IL19: variants seen among roughly 807,000 people sequenced by gnomAD.
The protein encoded by IL19 is interleukin-19.
IL19 carries 15 observed loss-of-function variants against 19.5 expected under a neutral mutation model. The ratio of observed to expected loss-of-function variants is 0.77; its 90% CI spans 0.52 to 1.19. The LOEUF (loss-of-function observed/expected upper bound fraction) is 1.19. Ranked by LOEUF, IL19 falls within the 50% of genes most tolerant of loss-of-function variation. The pLI is 0.00. For missense variants in IL19, 199 were observed against 213.1 expected, an observed-to-expected ratio of 0.93 and a Z score of 0.41; for synonymous variants, 78 against 78.3, an observed-to-expected ratio of 1.00 and a Z score of 0.02.
chr1:206,788,916 G>A (rs1028732902), intron 1 of IL19, among the ~76,000 whole-genome samples: 1 of 152,164 alleles, frequency 6.6e-6, no homozygotes, highest in Non-Finnish European at 1.5e-5. Flanking sequence ...CTGTTGTGTG[G>A]TGCCTGTGTG....
At chr1:206,788,635 G>A (rs566525326) in intron 1 of IL19, among the ~76,000 whole-genome samples, 1 of 152,062 alleles carries the variant, frequency 6.6e-6, no homozygotes, top group African/African-American at 2.4e-5. Flanking sequence ...CCAGGCCTCT[G>A]ACACCTCATC....
At chr1:206,776,186 TTC>T (rs1674986522) in intron 1 of IL19, among the ~76,000 whole-genome samples, 3 of 152,234 alleles carry the variant, frequency 2.0e-5, no homozygotes, top group African/African-American at 7.2e-5. Context: ...GTATTTTATT[TTC>T]TGTCTCACTC....
intron 2 of IL19, among the ~76,000 whole-genome samples, chr1:206,827,208 TAGG>T (rs1227172603): frequency 1.3e-5 from 2 of 152,120 alleles, no homozygotes; most frequent in East Asian, 1.9e-4. Context: ...AGTATTGACA[TAGG>T]AGAAGGAAAC....
intron 1 of IL19, among the ~76,000 whole-genome samples, chr1:206,791,468 A>G (rs1675402507): frequency 6.6e-6 from 1 of 151,926 alleles, no homozygotes; most frequent in African/African-American, 2.4e-5. Context: ...ATGCCCAGCT[A>G]ATTTTTGTAT....
chr1:206,779,282 C>T (rs1173300719), intron 1 of IL19, among the ~76,000 whole-genome samples: 2 of 152,142 alleles, frequency 1.3e-5, no homozygotes, highest in Non-Finnish European at 2.9e-5. Flanking sequence ...CCTTTCTACC[C>T]CCACATCCTC....
At chr1:206,837,070 A>G (rs1676821169) in intron 4 of IL19, 47 bp downstream of exon 4, 1 of 1,466,644 alleles carries the variant, frequency 6.8e-7, no homozygotes, top group Non-Finnish European at 9.5e-7. Flanking sequence ...CTTCATGTCT[A>G]AATGGCTCTG....
intron 1 of IL19, among the ~76,000 whole-genome samples, chr1:206,792,785 A>G (rs1675439196): frequency 6.6e-6 from 1 of 151,974 alleles, no homozygotes; most frequent in Non-Finnish European, 1.5e-5. Context: ...AGCCCATCTT[A>G]TAGGTGAGGA....
At chr1:206,801,370 T>G (rs1572555053) in intron 2 of IL19, among the ~76,000 whole-genome samples, 1 of 151,832 alleles carries the variant, frequency 6.6e-6, no homozygotes, top group African/African-American at 2.4e-5. Context: ...AGGCGGGGGG[T>G]GGAATGGAGG....
chr1:206,800,398 G>A (rs950638144), intron 2 of IL19, among the ~76,000 whole-genome samples: 10 of 152,224 alleles, frequency 6.6e-5, no homozygotes, highest in South Asian at 2.1e-4. Flanking sequence ...TGAATGCTCC[G>A]ATATGTTGCT....
At chr1:206,814,229 G>A (rs765645414) in intron 2 of IL19, among the ~76,000 whole-genome samples, 32 of 151,990 alleles carry the variant, frequency 2.1e-4, no homozygotes, top group Non-Finnish European at 4.3e-4. Context: ...CTAAGTGTAA[G>A]TTTGAACGGC....
At position 206,832,026 on chromosome 1, in the gene IL19, G is replaced by A. The variant is rs114639629; in HGVS notation, c.-2-4635G>A. ...GCTCTGAGCTGCTATTCTCACATGT[G>A]CAGAGGGACTCCGAGCCAGGCAGCT... is the stretch of plus-strand genomic sequence containing the variant. On this transcript the variant is annotated intron_variant, in intron 2 of 6. Transcript: ENST00000659997. Among the ~76,000 whole-genome samples the A allele has an allele frequency of 2.2e-3, 341 of 152,328 alleles. 2 individuals are homozygous for A. The highest frequency in any genetic ancestry group is 0.017 in the Middle Eastern group (5 of 294).
chr1:206,800,362 G>C (rs932804481), intron 2 of IL19, among the ~76,000 whole-genome samples: 1 of 152,226 alleles, frequency 6.6e-6, no homozygotes, highest in African/African-American at 2.4e-5. Flanking sequence ...GGGCAGTGGT[G>C]GTGGGGTAGG....
chr1:206,836,680 T>C lies in IL19; in HGVS notation c.18T>C (p.Val6=). The part of the protein sequence containing the change: MKLQC[V]SLWLLGTILI... ...CTGCAGGCATGAAGTTACAGTGTGT[T>C]TCCCTTTGGCTCCTGGGTACAATAC... The change falls in exon 3 of 7, where the codon GTT becomes GTC. Residue 6 remains valine (V), a synonymous_variant. Coordinates refer to ENST00000659997, the MANE Select transcript of IL19 (RefSeq NM_153758.5). 6.2e-7 allele frequency: 1 copy of C among 1,611,278 alleles called. No homozygotes were observed. Among genetic ancestry groups the C allele is most frequent in the Non-Finnish European group, 8.5e-7 (1 of 1,178,996 alleles).
chr1:206,779,581 G>T (rs765290604), intron 1 of IL19, among the ~76,000 whole-genome samples: 68 of 152,080 alleles, frequency 4.5e-4, no homozygotes, highest in Non-Finnish European at 5.7e-4. Flanking sequence ...TCTCTAGACC[G>T]TTCTCCACGT....
chr1:206,823,335 C>T (rs1256868796), intron 2 of IL19, among the ~76,000 whole-genome samples: 4 of 151,794 alleles, frequency 2.6e-5, no homozygotes, highest in Non-Finnish European at 5.9e-5. Context: ...GGGCGGATCA[C>T]GAGGTCAGGA....
At chr1:206,786,330 G>A (rs1018561190) in intron 1 of IL19, among the ~76,000 whole-genome samples, 9 of 152,186 alleles carry the variant, frequency 5.9e-5, no homozygotes, top group Admixed American at 3.9e-4. Context: ...GTACTATCAC[G>A]ACAGCTATGA....
At chr1:206,831,146 G>T (rs1023201446) in intron 2 of IL19, among the ~76,000 whole-genome samples, 1 of 152,182 alleles carries the variant, frequency 6.6e-6, no homozygotes, top group African/African-American at 2.4e-5. Flanking sequence ...ACTCTTTTAA[G>T]GGAAGGAAAT....
intron 2 of IL19, among the ~76,000 whole-genome samples, chr1:206,804,975 A>G (rs960205954): frequency 3.3e-5 from 5 of 152,174 alleles, no homozygotes; most frequent in African/African-American, 7.2e-5. Context: ...AGTTCCTTTC[A>G]ATCCTTGGAT....
intron 2 of IL19, among the ~76,000 whole-genome samples, chr1:206,815,548 C>A (rs117359105): frequency 6.6e-6 from 1 of 152,166 alleles, no homozygotes; most frequent in East Asian, 1.9e-4. Flanking sequence ...AAAAATATTC[C>A]TTTTTTTACT....
Sources: gnomAD v4.1 joint callset for allele counts (sites outside exome capture counted in the v4.1 genomes callset) on GRCh38, gnomAD v4.1.1 for gene constraint, MANE v1.5 for transcripts, NCBI Gene and HGNC (gene_info 2026-07-23, HGNC 2026-07-21) for gene names.